The following ST6GALNAC5 variants were observed in gnomAD, a reference collection of about 807,000 sequenced individuals.
ST6GALNAC5 encodes the protein alpha-N-acetylgalactosaminide alpha-2,6-sialyltransferase 5.
Under a neutral mutation model 33.6 loss-of-function variants are expected in ST6GALNAC5, and 27 were observed. The observed-to-expected ratio is 0.80, with a 90% CI of 0.59 to 1.11. The LOEUF (loss-of-function observed/expected upper bound fraction) is 1.11. Among genes scored for constraint, ST6GALNAC5 ranks in the 50% least tolerant of loss-of-function variants. The pLI, the probability that ST6GALNAC5 is intolerant of heterozygous loss-of-function variation, is 0.00. For missense variants in ST6GALNAC5, 428 were observed against 454.0 expected (o/e 0.94, Z 0.52); for synonymous variants, 194 against 171.2 (o/e 1.13, Z -1.04).
chr1:76,901,218 G>A (rs1478561747), intron 2 of ST6GALNAC5, among the ~76,000 whole-genome samples: 1 of 152,202 alleles, frequency 6.6e-6, no homozygotes, highest in Non-Finnish European at 1.5e-5. Flanking sequence ...TGGATTCATA[G>A]GATACATTGT....
intron 2 of ST6GALNAC5, among the ~76,000 whole-genome samples, chr1:77,018,621 C>T (rs1314016263): frequency 1.3e-5 from 2 of 152,156 alleles, no homozygotes; most frequent in African/African-American, 4.8e-5. Context: ...GGAATCTGGC[C>T]TCAGTTTAAA....
chr1:77,008,154 G>A (rs143611339), intron 2 of ST6GALNAC5, among the ~76,000 whole-genome samples: 1 of 152,308 alleles, frequency 6.6e-6, no homozygotes, highest in African/African-American at 2.4e-5. Context: ...TTAATGTCCA[G>A]CTGGTGCTCA....
intron 2 of ST6GALNAC5, among the ~76,000 whole-genome samples, chr1:76,876,060 G>C (rs1420633402): frequency 6.6e-6 from 1 of 152,238 alleles, no homozygotes; most frequent in Non-Finnish European, 1.5e-5. Flanking sequence ...TGAGTCCACG[G>C]AAGGTAGTCT....
At chr1:76,940,075 G>A (rs1647297179) in intron 2 of ST6GALNAC5, among the ~76,000 whole-genome samples, 1 of 152,084 alleles carries the variant, frequency 6.6e-6, no homozygotes, top group Non-Finnish European at 1.5e-5. Flanking sequence ...GATTAGGTGT[G>A]CATGTATGGT....
chr1:76,963,517 G>A (rs554558914), intron 2 of ST6GALNAC5, among the ~76,000 whole-genome samples: 2 of 152,304 alleles, frequency 1.3e-5, no homozygotes, highest in East Asian at 3.9e-4. Flanking sequence ...GACCTGAATT[G>A]AAGAATGGGG....
intron 2 of ST6GALNAC5, among the ~76,000 whole-genome samples, chr1:76,963,785 G>A (rs1352426664): frequency 4.6e-5 from 7 of 152,230 alleles, no homozygotes; most frequent in South Asian, 2.1e-4. Flanking sequence ...AATTTACCAC[G>A]ACTTACTAAA....
intron 3 of ST6GALNAC5, among the ~76,000 whole-genome samples, chr1:77,044,962 T>C (rs6670002): frequency 1.3e-3 from 193 of 152,382 alleles, no homozygotes; most frequent in African/African-American, 4.4e-3. Flanking sequence ...TATATGGGTT[T>C]ATTTTTTCCC....
intron 2 of ST6GALNAC5, among the ~76,000 whole-genome samples, chr1:77,001,402 T>C (rs56089876): frequency 0.3 from 34,376 of 114,868 alleles, 5,284 homozygotes; most frequent in East Asian, 0.44. Flanking sequence ...GCTGAGACAA[T>C]GGGGTTTTCT....
chr1:77,016,087 C>T (rs1192770309), intron 2 of ST6GALNAC5, among the ~76,000 whole-genome samples: 1 of 146,812 alleles, frequency 6.8e-6, no homozygotes, highest in East Asian at 2.1e-4. Context: ...CTTCTCCACT[C>T]CTCCCCCTCA....
chr1:76,985,119 C>T (rs924674877), intron 2 of ST6GALNAC5, among the ~76,000 whole-genome samples: 1 of 152,196 alleles, frequency 6.6e-6, no homozygotes, highest in African/African-American at 2.4e-5. Context: ...AAACGATGCC[C>T]TCTCACACCA....
chr1:77,000,281 A>G (rs954228314), intron 2 of ST6GALNAC5, among the ~76,000 whole-genome samples: 2 of 119,358 alleles, frequency 1.7e-5, no homozygotes, highest in African/African-American at 5.2e-5. Context: ...TGGCTGCATA[A>G]ATGTCTTCTT....
At chr1:76,982,953 G>C (rs1157197084) in intron 2 of ST6GALNAC5, among the ~76,000 whole-genome samples, 2 of 151,964 alleles carry the variant, frequency 1.3e-5, no homozygotes, top group Admixed American at 6.5e-5. Context: ...TTACAGGCAA[G>C]CAAATGCTGA....
chr1:76,968,149 G>C (rs1269685218), intron 2 of ST6GALNAC5, among the ~76,000 whole-genome samples: 1 of 152,138 alleles, frequency 6.6e-6, no homozygotes, highest in Non-Finnish European at 1.5e-5. Flanking sequence ...TTAACCTTCT[G>C]TCTCGTTGAT....
intron 2 of ST6GALNAC5, among the ~76,000 whole-genome samples, chr1:76,952,842 C>A (rs1647806352): frequency 6.6e-6 from 1 of 152,124 alleles, no homozygotes; most frequent in Non-Finnish European, 1.5e-5. Flanking sequence ...CCTGTGCTTC[C>A]TCTTTCTATT....
chr1:76,934,387 TCTAA>T (rs903454985), intron 2 of ST6GALNAC5, among the ~76,000 whole-genome samples: 5 of 152,084 alleles, frequency 3.3e-5, no homozygotes, highest in Non-Finnish European at 7.4e-5. Context: ...AAGTTATCTG[TCTAA>T]CTGTGACAGC....
At chr1:76,927,489 A>C (rs1647097341) in intron 2 of ST6GALNAC5, among the ~76,000 whole-genome samples, 2 of 152,120 alleles carry the variant, frequency 1.3e-5, no homozygotes, top group Admixed American at 6.6e-5. Context: ...GAAAGGGACA[A>C]AGAGTTAGCA....
intron 2 of ST6GALNAC5, among the ~76,000 whole-genome samples, chr1:76,994,005 T>A (rs1557752416): frequency 6.6e-6 from 1 of 152,208 alleles, no homozygotes; most frequent in Non-Finnish European, 1.5e-5. Context: ...AAATTTGTTA[T>A]AAAGTAACAC....
intron 2 of ST6GALNAC5, among the ~76,000 whole-genome samples, chr1:77,023,281 A>G (rs957763288): frequency 6.6e-6 from 1 of 152,188 alleles, no homozygotes; most frequent in African/African-American, 2.4e-5. Context: ...TACATTGGGG[A>G]TTTCTCCTGC....
At chr1:77,008,158 G>T (rs1331291609) in intron 2 of ST6GALNAC5, among the ~76,000 whole-genome samples, 1 of 152,162 alleles carries the variant, frequency 6.6e-6, no homozygotes, top group African/African-American at 2.4e-5. Context: ...TGTCCAGCTG[G>T]TGCTCAGAGG....
Sources: gnomAD v4.1 joint callset for allele counts (sites outside exome capture counted in the v4.1 genomes callset) on GRCh38, gnomAD v4.1.1 for gene constraint, MANE v1.5 for transcripts, NCBI Gene and HGNC (gene_info 2026-07-23, HGNC 2026-07-21) for gene names.